MYPN: variants seen among roughly 807,000 people sequenced by gnomAD.
MYPN encodes sarcomeric protein myopalladin, 145 kDa (MYOP).
Under a neutral mutation model 129.4 loss-of-function variants are expected in MYPN, and 63 were observed. The observed-to-expected ratio is 0.49, with a 90% CI of 0.40 to 0.60. MYPN has a LOEUF of 0.60. Among genes scored for constraint, MYPN ranks in the 20% least tolerant of loss-of-function variants. The probability of loss-of-function intolerance (pLI) is 0.00; values close to 1 mark genes in which losing one functional copy is unlikely to be tolerated. For missense variants in MYPN, 1,596 were observed against 1,635.4 expected, an observed-to-expected ratio of 0.98 and a Z score of 0.42; for synonymous variants, 629 against 600.9, an observed-to-expected ratio of 1.05 and a Z score of -0.68.
intron 13 of MYPN, among the ~76,000 whole-genome samples, chr10:68,191,949 C>T (rs975605862): frequency 1.3e-5 from 2 of 152,120 alleles, no homozygotes; most frequent in African/African-American, 4.8e-5. Context: ...CATCTGCAAG[C>T]AAGGATAATT....
At chr10:68,108,880 C>T (rs576000120), upstream of MYPN, among the ~76,000 whole-genome samples, 1 of 152,268 alleles carries the variant, frequency 6.6e-6, no homozygotes, top group African/African-American at 2.4e-5. Context: ...GCCACCAAAC[C>T]TGGCTAATTT....
chr10:68,190,459 T>TG (rs56089327), intron 13 of MYPN, among the ~76,000 whole-genome samples: 149,435 of 152,310 alleles, frequency 0.98, 73,374 homozygotes, highest in Middle Eastern at 1. Context: ...CCCAAAGTAC[T>TG]GGATTACAGG....
At chr10:68,173,687 C>T (rs114065444) in intron 10 of MYPN, among the ~76,000 whole-genome samples, 1,572 of 151,578 alleles carry the variant, frequency 0.01, 23 homozygotes, top group African/African-American at 0.036. Flanking sequence ...CTGCAATCTC[C>T]GCCTCCAGGC....
At chr10:68,152,878 G>A (rs184016429) in intron 6 of MYPN, among the ~76,000 whole-genome samples, 89 of 152,060 alleles carry the variant, frequency 5.9e-4, no homozygotes, top group Admixed American at 2.3e-3. Flanking sequence ...CCTCAGATCC[G>A]CTCACCTCAG....
At chr10:68,171,623 G>A (rs2043145745) in intron 10 of MYPN, among the ~76,000 whole-genome samples, 2 of 152,166 alleles carry the variant, frequency 1.3e-5, no homozygotes, top group African/African-American at 4.8e-5. Context: ...CTCTGAGCAG[G>A]TGCCTAAAGC....
chr10:68,199,706 T>C (rs2043678264), intron 17 of MYPN, 131 bp downstream of exon 17: 1 of 882,456 alleles, frequency 1.1e-6, no homozygotes, highest in Non-Finnish European at 1.8e-6. Context: ...TTCACTGTGG[T>C]AGGGGTGGTA....
At chr10:68,132,001 G>A (rs141773716) in intron 2 of MYPN, among the ~76,000 whole-genome samples, 75 of 151,970 alleles carry the variant, frequency 4.9e-4, no homozygotes, top group African/African-American at 1.3e-3. Context: ...CCTCTATTTC[G>A]TATTTCATTA....
At chr10:68,091,419 G>A (rs2041930719) in intron 1 of MYPN, among the ~76,000 whole-genome samples, 1 of 109,188 alleles carries the variant, frequency 9.2e-6, no homozygotes, top group African/African-American at 3.5e-5. Flanking sequence ...TTTTTTGACA[G>A]GGTCTTGCCC....
rs747441013 is a variant in MYPN at position 68,188,931 on chromosome 10, G to A, written c.2730G>A (p.Gln910=). ...QQEYKISSFE[Q]RLMNEIEFRL... ...AGTACAAAATTTCAAGCTTTGAGCA[G>A]AGGCTGATGAATGAAATAGAGTTTC... The change falls in exon 13 of 20, where the codon CAG becomes CAA. Residue 910 remains glutamine, a synonymous_variant. Transcript: ENST00000358913. 6.2e-7 allele frequency: 1 copy of A among 1,614,036 alleles called. No homozygotes were observed.
rs1465652949 is a variant in MYPN at position 68,121,514 on chromosome 10, C to T, written c.76C>T (p.His26Tyr). Residue 26 changes from histidine to tyrosine, a missense_variant, in exon 2 of 20, where the codon CAT (histidine) becomes TAT (tyrosine). By Grantham distance (83) the His-to-Tyr change is moderately conservative (BLOSUM62 2). Transcript: ENST00000358913. Reference protein sequence around the residue: ...LRESYLAETRHRGNNERSRAE... With the variant: ...LRESYLAETRYRGNNERSRAE... ...AGAGAGCTATTTAGCTGAAACCAGA[C>T]ATCGGGGAAACAATGAGAGGAGTCG... The T allele has an allele frequency of 6.2e-7, 1 of 1,614,212 alleles. No individual in the cohort carries two copies. Among genetic ancestry groups the T allele is most frequent in the East Asian group, 2.2e-5 (1 of 44,882 alleles).
chr10:68,162,869 G>C (rs544236783), intron 8 of MYPN, among the ~76,000 whole-genome samples: 11 of 152,292 alleles, frequency 7.2e-5, no homozygotes, highest in African/African-American at 2.2e-4. Flanking sequence ...TCACTGGTTG[G>C]TTAAAAAGTG....
chr10:68,212,009 C>G lies in MYPN; in HGVS notation c.*1554C>G, dbSNP rs1186121322. 2 of 357,870 alleles carry G rather than the reference C, an allele frequency of 5.6e-6. No homozygotes were observed. Among genetic ancestry groups the G allele is most frequent in the Non-Finnish European group, 1.1e-5 (2 of 182,884 alleles). 22.2% of individuals were successfully genotyped at this position (357,870 alleles called of 1,614,324 possible). Reference sequence around the variant, plus strand: ...TCCAGCATAAAAATAAATTCATTCACTGGAGAAATCATTTGTATGTCTACT... The same window carrying G: ...TCCAGCATAAAAATAAATTCATTCAGTGGAGAAATCATTTGTATGTCTACT... On this transcript the variant is annotated 3_prime_UTR_variant, in exon 20 of 20. Transcript: ENST00000358913.
intron 7 of MYPN, among the ~76,000 whole-genome samples, chr10:68,160,954 A>G (rs1211023702): frequency 6.6e-6 from 1 of 152,164 alleles, no homozygotes; most frequent in East Asian, 1.9e-4. Context: ...ACTATGATCT[A>G]TCTTGAGGCT....
intron 12 of MYPN, among the ~76,000 whole-genome samples, chr10:68,186,223 C>A (rs2043419271): frequency 6.6e-6 from 1 of 151,996 alleles, no homozygotes; most frequent in South Asian, 2.1e-4. Flanking sequence ...TGTGTACTTA[C>A]TTTTTTTTAC....
chr10:68,129,125 A>G (rs2042371235), intron 2 of MYPN, among the ~76,000 whole-genome samples: 1 of 152,094 alleles, frequency 6.6e-6, no homozygotes, highest in Non-Finnish European at 1.5e-5. Flanking sequence ...GACTTGATGG[A>G]CAGGCAAATT....
At chr10:68,199,271 A>G in intron 16 of MYPN, 97 bp from the exon 17 acceptor site, 1 of 1,197,662 alleles carries the variant, frequency 8.3e-7, no homozygotes, top group South Asian at 1.3e-5. Flanking sequence ...GTTTTCTCTC[A>G]CTGTCTGTTT....
intron 1 of MYPN, among the ~76,000 whole-genome samples, chr10:68,096,538 A>G (rs148085254): frequency 2.7e-4 from 41 of 152,348 alleles, no homozygotes; most frequent in African/African-American, 8.9e-4. Context: ...CTCCAGCCTG[A>G]GTGACAGAGT....
rs1589577356 is a variant in MYPN, at chr10:68,165,822, A to G, written c.1600+4A>G. On this transcript the variant is annotated splice_donor_region_variant and intron_variant, in intron 9 of 19. Transcript: ENST00000358913. ...ATTGCACAGCTGCACGTGAGAGGTA[A>G]GGACTCTTTAATGCTAGAACAGTTT... The G allele has an allele frequency of 6.8e-6, 11 of 1,609,122 alleles. No individual in the cohort carries two copies. The highest frequency in any genetic ancestry group is 9.4e-6 in the Non-Finnish European group (11 of 1,175,420).
chr10:68,108,574 A>G (rs1293913779), upstream of MYPN, among the ~76,000 whole-genome samples: 2 of 152,202 alleles, frequency 1.3e-5, no homozygotes, highest in Non-Finnish European at 2.9e-5. Context: ...GAATCTAAGA[A>G]TGATCTTTTT....
Sources: gnomAD v4.1 joint callset for allele counts (sites outside exome capture counted in the v4.1 genomes callset) on GRCh38, gnomAD v4.1.1 for gene constraint, MANE v1.5 for transcripts, NCBI Gene and HGNC (gene_info 2026-07-23, HGNC 2026-07-21) for gene names.